Variants in GPC3 observed in about 807,000 individuals in gnomAD.
GPC3 encodes the protein glypican-3.
A neutral mutation model predicts 34.4 loss-of-function variants in GPC3; 3 were observed. The ratio of observed to expected loss-of-function variants is 0.09; its 90% CI spans 0.04 to 0.23. The LOEUF (loss-of-function observed/expected upper bound fraction) is 0.23. Among genes scored for constraint, GPC3 ranks in the 10% least tolerant of loss-of-function variants. The pLI, the probability that GPC3 is intolerant of heterozygous loss-of-function variation, is 1.00. For missense variants in GPC3, 351 were observed against 445.6 expected, an observed-to-expected ratio of 0.79 and a Z score of 1.91; for synonymous variants, 177 against 174.0, an observed-to-expected ratio of 1.02 and a Z score of -0.13.
At chrX:133,607,197 C>G (rs2070059875) in intron 6 of GPC3, among the ~76,000 whole-genome samples, 1 of 110,363 alleles carries the variant, frequency 9.1e-6, no homozygotes, top group Non-Finnish European at 1.9e-5. Flanking sequence ...GGCAACATGT[C>G]CATTTTCAGC....
At chrX:133,872,386 C>T (rs1346576551) in intron 2 of GPC3, among the ~76,000 whole-genome samples, 1 of 111,815 alleles carries the variant, frequency 8.9e-6, no homozygotes, top group Non-Finnish European at 1.9e-5. Flanking sequence ...GTCACTAAAA[C>T]ATTTAATATT....
intron 2 of GPC3, among the ~76,000 whole-genome samples, chrX:133,759,595 C>T (rs1026551115): frequency 5.4e-5 from 6 of 111,992 alleles, no homozygotes; most frequent in South Asian, 3.7e-4. Flanking sequence ...GACTTTTCAC[C>T]TTTCATAAAA....
intron 6 of GPC3, among the ~76,000 whole-genome samples, chrX:133,622,699 C>A (rs1426167581): frequency 8.9e-6 from 1 of 111,819 alleles, no homozygotes; most frequent in Non-Finnish European, 1.9e-5. Context: ...GACTGGTGTA[C>A]CTGAAAGTGA....
chrX:133,661,642 C>G (rs12014669), intron 6 of GPC3, 88 bp downstream of exon 6: 1 of 23,780 alleles, frequency 4.2e-5, no homozygotes, highest in Non-Finnish European at 7.3e-5. Flanking sequence ...CTCCCCCCCC[C>G]CTCTCTCTCC....
chrX:133,648,144 G>T (rs370404110), intron 6 of GPC3, among the ~76,000 whole-genome samples: 6 of 112,188 alleles, frequency 5.3e-5, no homozygotes, highest in African/African-American at 1.9e-4. Flanking sequence ...GGGACAAAGC[G>T]GTTCTCATCT....
chrX:133,859,730 T>C (rs1000851530), intron 2 of GPC3, among the ~76,000 whole-genome samples: 1 of 112,536 alleles, frequency 8.9e-6, no homozygotes, highest in Non-Finnish European at 1.9e-5. Flanking sequence ...ATTGGAGCCT[T>C]GGCAATTCTG....
chrX:133,916,424 T>C (rs1219812985), intron 2 of GPC3, among the ~76,000 whole-genome samples: 1 of 111,795 alleles, frequency 8.9e-6, no homozygotes, highest in Non-Finnish European at 1.9e-5. Context: ...AATTTTCTTA[T>C]CTGTGTTTTT....
intron 6 of GPC3, among the ~76,000 whole-genome samples, chrX:133,660,994 C>T (rs1042677260): frequency 5.4e-5 from 6 of 110,135 alleles, no homozygotes; most frequent in African/African-American, 2.0e-4. Flanking sequence ...CATAGTGAGA[C>T]CTCATCTCTA....
chrX:133,825,360 C>T (rs2075741255), intron 2 of GPC3, among the ~76,000 whole-genome samples: 1 of 111,858 alleles, frequency 8.9e-6, no homozygotes, highest in Admixed American at 9.5e-5. Flanking sequence ...TGACAGCCAC[C>T]TTAAGGAGCA....
chrX:133,895,422 C>T (rs772930791), intron 2 of GPC3, among the ~76,000 whole-genome samples: 18 of 111,361 alleles, frequency 1.6e-4, no homozygotes, highest in South Asian at 1.5e-3. Context: ...CTCCACCCCC[C>T]GTCCCAAGTT....
At chrX:133,545,386 G>A (rs2069375064) in intron 7 of GPC3, among the ~76,000 whole-genome samples, 1 of 111,713 alleles carries the variant, frequency 9.0e-6, no homozygotes, top group Admixed American at 9.5e-5. Context: ...CATGGTGCCT[G>A]CCTGTAGTCC....
chrX:133,953,014 C>T, intron 2 of GPC3, 36 bp downstream of exon 2: 1 of 1,151,563 alleles, frequency 8.7e-7, no homozygotes, highest in Non-Finnish European at 1.2e-6. Context: ...AATGATGCCA[C>T]TAAGCAGCAC....
intron 6 of GPC3, among the ~76,000 whole-genome samples, chrX:133,628,117 C>T (rs1437934545): frequency 8.9e-6 from 1 of 111,882 alleles, no homozygotes; most frequent in Non-Finnish European, 1.9e-5. Context: ...ATAACCCCTC[C>T]ATTCAGAGGT....
intron 7 of GPC3, among the ~76,000 whole-genome samples, chrX:133,580,108 G>A (rs918984570): frequency 8.9e-6 from 1 of 111,828 alleles, no homozygotes; most frequent in African/African-American, 3.3e-5. Context: ...ATGTAGGTTG[G>A]GGCCAGATTA....
intron 2 of GPC3, among the ~76,000 whole-genome samples, chrX:133,805,128 G>A (rs953938877): frequency 3.6e-5 from 4 of 112,241 alleles, no homozygotes; most frequent in Non-Finnish European, 7.5e-5. Flanking sequence ...TATGAGAACA[G>A]AAGTGAAGTA....
chrX:133,959,262 G>C (rs1459496468), intron 1 of GPC3, among the ~76,000 whole-genome samples: 1 of 111,719 alleles, frequency 9.0e-6, no homozygotes, highest in East Asian at 2.8e-4. Context: ...ACTGCTCCTG[G>C]TTTTCTTTAG....
chrX:133,825,696 T>C, intron 2 of GPC3, among the ~76,000 whole-genome samples: 1 of 111,614 alleles, frequency 9.0e-6, no homozygotes, highest in Non-Finnish European at 1.9e-5. Flanking sequence ...ATACAGAAGG[T>C]CATGTACACA....
intron 3 of GPC3, among the ~76,000 whole-genome samples, chrX:133,728,817 G>C (rs775065504): frequency 5.3e-5 from 6 of 112,388 alleles, no homozygotes; most frequent in Non-Finnish European, 1.1e-4. Flanking sequence ...TTTTCCACCA[G>C]TGACTTCACA....
At position 133,889,202 on chromosome X, in the gene GPC3, T is replaced by G. The variant is rs2076074993; in HGVS notation, c.337+63848A>C. Among the ~76,000 whole-genome samples the G allele has an allele frequency of 2.7e-5, 3 of 112,319 alleles. No individual in the cohort carries two copies. In the Admixed American group the frequency reaches 2.8e-4, roughly 11 times the overall value. On this transcript the variant is annotated intron_variant, in intron 2 of 7. Coordinates refer to ENST00000370818, the MANE Select transcript of GPC3 (RefSeq NM_004484.4). The stretch of plus-strand genomic sequence containing the variant: ...TCTCATTTTTCCCCACTTGAATAGC[T>G]TTGTCCTCTTACAAAGGCCTGTCAC...
Sources: gnomAD v4.1 joint callset for allele counts (sites outside exome capture counted in the v4.1 genomes callset) on GRCh38, gnomAD v4.1.1 for gene constraint, MANE v1.5 for transcripts, NCBI Gene and HGNC (gene_info 2026-07-23, HGNC 2026-07-21) for gene names.